KLHL4: variants seen among roughly 807,000 people sequenced by gnomAD.
KLHL4 encodes the protein kelch like family member 4.
Under a neutral mutation model 45.8 loss-of-function variants are expected in KLHL4, and 17 were observed. That is an observed-to-expected ratio of 0.37 (90% CI 0.25 to 0.56). KLHL4 has a LOEUF of 0.56. Ranked by LOEUF, KLHL4 falls within the 20% of genes least tolerant of loss-of-function variation. The pLI is 0.79. For missense variants in KLHL4, 544 were observed against 544.9 expected, an observed-to-expected ratio of 1.00 and a Z score of 0.02; for synonymous variants, 224 against 189.9, an observed-to-expected ratio of 1.18 and a Z score of -1.47.
chrX:87,580,541 T>A (rs967949711), intron 1 of KLHL4, among the ~76,000 whole-genome samples: 4 of 110,306 alleles, frequency 3.6e-5, no homozygotes, highest in Non-Finnish European at 7.6e-5. Context: ...GCTATACAGA[T>A]AAGAACAACA....
chrX:87,541,960 T>C (rs1017193455), intron 1 of KLHL4, among the ~76,000 whole-genome samples: 3 of 112,037 alleles, frequency 2.7e-5, no homozygotes, highest in South Asian at 3.7e-4. Flanking sequence ...GCGGAACTCA[T>C]TGGGAACTAG....
chrX:87,533,920 G>A (rs1222150834), intron 1 of KLHL4, among the ~76,000 whole-genome samples: 1 of 110,674 alleles, frequency 9.0e-6, no homozygotes, highest in African/African-American at 3.3e-5. Context: ...TCCAAGAATA[G>A]AGAACATTGA....
intron 9 of KLHL4, among the ~76,000 whole-genome samples, chrX:87,645,907 A>G (rs1417341167): frequency 9.0e-6 from 1 of 110,822 alleles, no homozygotes; most frequent in East Asian, 2.8e-4. Context: ...GCAAGGGAAG[A>G]GTAGGAGGTA....
chrX:87,668,313 TC>T lies in KLHL4; in HGVS notation c.*1781del, dbSNP rs1397662199. 4.0e-6 allele frequency: 3 copies of T among 752,396 alleles called. No individual in the cohort carries two copies. Among genetic ancestry groups the T allele is most frequent in the Non-Finnish European group, 4.7e-6 (3 of 638,710 alleles). The allele number at this position is 752,396 out of a possible 1,213,427, so 62.0% of individuals were successfully genotyped here. On this transcript the variant is annotated 3_prime_UTR_variant, in exon 11 of 11. Transcript: ENST00000373119. ...CTTTTGCAGCCTAGCTTGCCAATCTTCCAGTAACAACGAGGTGCTACCAATA... is the reference window on the plus strand; with the variant it reads ...CTTTTGCAGCCTAGCTTGCCAATCTTCAGTAACAACGAGGTGCTACCAATA...
chrX:87,641,376 A>G (rs1255334864), intron 9 of KLHL4, among the ~76,000 whole-genome samples: 1 of 112,240 alleles, frequency 8.9e-6, no homozygotes, highest in Non-Finnish European at 1.9e-5. Context: ...AGGAAGCAGC[A>G]GAAAGTCCCT....
chrX:87,543,542 T>C (rs1242662105), intron 1 of KLHL4, among the ~76,000 whole-genome samples: 1 of 111,144 alleles, frequency 9.0e-6, no homozygotes, highest in African/African-American at 3.3e-5. Flanking sequence ...AGAGCTTCTC[T>C]GGGTGCTGGG....
intron 8 of KLHL4, 126 bp downstream of exon 8, chrX:87,634,037 G>C (rs955194602): frequency 2.0e-6 from 1 of 491,340 alleles, no homozygotes; most frequent in African/African-American, 2.4e-5. Flanking sequence ...AATAATAAAA[G>C]GTCTTCATTG....
chrX:87,610,963 A>G (rs1385235497), intron 1 of KLHL4, among the ~76,000 whole-genome samples: 1 of 110,843 alleles, frequency 9.0e-6, no homozygotes, highest in African/African-American at 3.3e-5. Flanking sequence ...AGTCCCAGCT[A>G]CTTGGGAGGT....
At position 87,584,141 on chromosome X, in the gene KLHL4, C is replaced by T. The variant is rs762920562; in HGVS notation, c.423-29736C>T. 3.6e-5 allele frequency among the ~76,000 whole-genome samples: 4 copies of T among 112,237 alleles called. No individual in the cohort carries two copies. In the South Asian group the frequency reaches 1.5e-3, roughly 41 times the overall value. On this transcript the variant is annotated intron_variant, in intron 1 of 10. Coordinates refer to ENST00000373119, the MANE Select transcript of KLHL4 (RefSeq NM_019117.5). ...TACCTCTATGAATCTGAAAGGACAACAGTTCTACTGGGCTTGAGGTGCCCC... is the reference window on the plus strand; with the variant it reads ...TACCTCTATGAATCTGAAAGGACAATAGTTCTACTGGGCTTGAGGTGCCCC...
chrX:87,622,714 CTT>C (rs35342750), intron 5 of KLHL4, among the ~76,000 whole-genome samples: 4 of 105,558 alleles, frequency 3.8e-5, no homozygotes, highest in Admixed American at 1.0e-4. Context: ...TAGGCTAACT[CTT>C]TTTTTTTTTC....
chrX:87,557,643 T>C (rs777228579), intron 1 of KLHL4, among the ~76,000 whole-genome samples: 1 of 112,190 alleles, frequency 8.9e-6, no homozygotes, highest in Non-Finnish European at 1.9e-5. Context: ...TCTTCTGTTT[T>C]ATTTATATTC....
At position 87,636,951 on chromosome X, in the gene KLHL4, C is replaced by G. The variant is rs146188278; in HGVS notation, c.1925+1176C>G. ...GATAGCTCTATGGCCCTGCCCACTG[C>G]CTAAGCCTAAGGCAAAGTTGTATCC... On this transcript the variant is annotated intron_variant, in intron 9 of 10. Transcript: ENST00000373119. Among the ~76,000 whole-genome samples the G allele has an allele frequency of 5.9e-3, 660 of 111,458 alleles. 2 individuals are homozygous for G. Among genetic ancestry groups the G allele is most frequent in the Non-Finnish European group, 9.2e-3 (490 of 53,034 alleles).
chrX:87,645,420 G>A (rs894745214), intron 9 of KLHL4, among the ~76,000 whole-genome samples: 12 of 111,085 alleles, frequency 1.1e-4, no homozygotes, highest in African/African-American at 2.9e-4. Flanking sequence ...GTGTGATCGC[G>A]GTGAACAGGG....
Position 87,667,590 on chromosome X carries a change from A to G in KLHL4, c.*1056A>G, listed in dbSNP as rs991173837. 3.3e-6 allele frequency: 2 copies of G among 597,867 alleles called. No homozygotes were observed. Among genetic ancestry groups the G allele is most frequent in the African/African-American group, 3.0e-5 (1 of 33,397 alleles). The allele number at this position is 597,867 out of a possible 1,213,427, so 49.3% of individuals were successfully genotyped here. A position where few individuals can be genotyped will look rare whatever the true frequency, so the allele number is the denominator to read the frequency against. On this transcript the variant is annotated 3_prime_UTR_variant, in exon 11 of 11. Coordinates refer to ENST00000373119, the MANE Select transcript of KLHL4 (RefSeq NM_019117.5). ...GAAAATGTTAGGATATGTGTGCTAT[A>G]TAAAAAAAAAAAAAGACTTGTTAAG...
chrX:87,594,420 A>G (rs772402248), intron 1 of KLHL4, among the ~76,000 whole-genome samples: 1 of 111,793 alleles, frequency 8.9e-6, no homozygotes, highest in Admixed American at 9.6e-5. Context: ...CAGTTAAACA[A>G]CTACTATGCT....
chrX:87,653,733 C>T (rs1486338368), intron 9 of KLHL4, among the ~76,000 whole-genome samples: 2 of 111,726 alleles, frequency 1.8e-5, no homozygotes, highest in East Asian at 5.7e-4. Context: ...TTAACCCAAA[C>T]GCCCATCAAT....
intron 9 of KLHL4, among the ~76,000 whole-genome samples, chrX:87,643,520 A>G (rs996958444): frequency 2.7e-5 from 3 of 111,880 alleles, no homozygotes; most frequent in Admixed American, 9.5e-5. Context: ...ACTATTCCAC[A>G]AGACAGAAAA....
At chrX:87,617,211 G>GTTT (rs751538627) in intron 3 of KLHL4, among the ~76,000 whole-genome samples, 5 of 102,896 alleles carry the variant, frequency 4.9e-5, no homozygotes, top group Non-Finnish European at 1.0e-4. Context: ...AAAAGAGACT[G>GTTT]TTTTTTTTTT....
chrX:87,618,825 T>G (rs779324566), intron 4 of KLHL4, among the ~76,000 whole-genome samples: 1 of 112,049 alleles, frequency 8.9e-6, no homozygotes, highest in African/African-American at 3.2e-5. Flanking sequence ...ATGAACTTCT[T>G]TATGTCTTAG....
Sources: gnomAD v4.1 joint callset for allele counts (sites outside exome capture counted in the v4.1 genomes callset) on GRCh38, gnomAD v4.1.1 for gene constraint, MANE v1.5 for transcripts, NCBI Gene and HGNC (gene_info 2026-07-23, HGNC 2026-07-21) for gene names.